Variants in LRP2 observed in about 807,000 individuals in gnomAD.
LRP2 encodes the protein LDL receptor related protein 2, also known as low-density lipoprotein receptor-related protein 2.
A neutral mutation model predicts 531.0 loss-of-function variants in LRP2; 172 were observed. The observed-to-expected ratio is 0.32, with a 90% CI of 0.29 to 0.37. The LOEUF (loss-of-function observed/expected upper bound fraction) is 0.37, where lower values mean the gene tolerates loss of function less well. Ranked by LOEUF, LRP2 falls within the 10% of genes least tolerant of loss-of-function variation. The pLI, the probability that LRP2 is intolerant of heterozygous loss-of-function variation, is 1.00. For missense variants in LRP2, 5,167 were observed against 5,868.3 expected (o/e 0.88, Z 3.90); for synonymous variants, 1,992 against 2,027.6 (o/e 0.98, Z 0.47).
chr2:169,159,846 G>T (rs1686507888), intron 63 of LRP2, among the ~76,000 whole-genome samples: 1 of 151,994 alleles, frequency 6.6e-6, no homozygotes, highest in Admixed American at 6.6e-5. Context: ...ATCTATAAAG[G>T]GATTAGGGGT....
At chr2:169,230,599 C>G (rs1370075022) in intron 31 of LRP2, among the ~76,000 whole-genome samples, 1 of 152,142 alleles carries the variant, frequency 6.6e-6, no homozygotes, top group Non-Finnish European at 1.5e-5. Context: ...CAATTTTCAT[C>G]AGTATCAAAA....
Position 169,168,662 on chromosome 2 carries a change from C to T in LRP2, c.11512G>A (p.Asp3838Asn). The T allele has an allele frequency of 6.2e-7, 1 of 1,614,054 alleles. No homozygotes were observed. Among genetic ancestry groups the T allele is most frequent in the East Asian group, 2.2e-5 (1 of 44,872 alleles). Residue 3838 changes from aspartate (D) to asparagine (N), a missense_variant, in exon 61 of 79, where the codon GAT becomes AAT. This residue lies in a region of LRP2 where 564 missense variants were observed against 747.7 expected (regional missense o/e 0.75). Coordinates refer to ENST00000649046, the MANE Select transcript of LRP2 (RefSeq NM_004525.3). Reference protein sequence around the residue: ...DEADCPTRFPDGAYCQATMFE... With the variant: ...DEADCPTRFPNGAYCQATMFE... ...ATAGTAGCCTGGCAGTATGCACCAT[C>T]AGGAAAGCGTGTGGCTGCCATGGGG...
At chr2:169,216,813 C>T (rs1366421668) in intron 34 of LRP2, among the ~76,000 whole-genome samples, 1 of 152,134 alleles carries the variant, frequency 6.6e-6, no homozygotes, top group Non-Finnish European at 1.5e-5. Context: ...CTGCCAAGTA[C>T]ACTCCCTGAT....
chr2:169,174,307 T>C, intron 55 of LRP2, 143 bp from the exon 56 acceptor site: 1 of 930,632 alleles, frequency 1.1e-6, no homozygotes, highest in Non-Finnish European at 1.6e-6. Flanking sequence ...TCAGTACTAC[T>C]ACATGGAGCA....
At chr2:169,236,122 T>C (rs1265297951) in intron 28 of LRP2, 54 bp from the exon 29 acceptor site, 1 of 1,257,390 alleles carries the variant, frequency 8.0e-7, no homozygotes, top group Non-Finnish European at 1.1e-6. Context: ...ATATTAAAAA[T>C]AACTGTCATT....
rs1250010867 is a variant in LRP2, at chr2:169,215,729, A to G, written c.5826+524T>C. ...TATAAATATATATTCTATATTCTAT[A>G]ATATATATTCTATATCTATATAGAT... is the stretch of plus-strand genomic sequence containing the variant. On this transcript the variant is annotated intron_variant, in intron 35 of 78. Transcript: ENST00000649046. 5.4e-5 allele frequency among the ~76,000 whole-genome samples: 8 copies of G among 148,078 alleles called. No homozygotes were observed. In the South Asian group the frequency reaches 1.7e-3, roughly 31 times the overall value.
Position 169,224,625 on chromosome 2 carries a change from A to G in LRP2, c.5538+685T>C, listed in dbSNP as rs560632312. 3.3e-5 allele frequency among the ~76,000 whole-genome samples: 5 copies of G among 152,350 alleles called. No homozygotes were observed. In the East Asian group the frequency reaches 9.6e-4, roughly 29 times the overall value. On this transcript the variant is annotated intron_variant, in intron 33 of 78. Coordinates refer to ENST00000649046, the MANE Select transcript of LRP2 (RefSeq NM_004525.3). ...AGCATTGAAGATTAGATGAGGAAACATAGTAAAATTCTCTGCTTACCATAA... is the reference window on the plus strand; with the variant it reads ...AGCATTGAAGATTAGATGAGGAAACGTAGTAAAATTCTCTGCTTACCATAA...
chr2:169,210,721 C>A (rs1181528951), intron 37 of LRP2, among the ~76,000 whole-genome samples: 3 of 152,016 alleles, frequency 2.0e-5, no homozygotes, highest in Admixed American at 2.0e-4. Context: ...TTGGATGGAA[C>A]AAAACAGCTA....
At chr2:169,184,322 T>C (rs1405690190) in intron 50 of LRP2, among the ~76,000 whole-genome samples, 1 of 152,178 alleles carries the variant, frequency 6.6e-6, no homozygotes, top group Non-Finnish European at 1.5e-5. Flanking sequence ...TTTCATTTAT[T>C]ATCCAGCAAG....
Position 169,176,558 on chromosome 2 carries a change from C to T in LRP2, c.10424G>A (p.Gly3475Asp), listed in dbSNP as rs1165406327. Reference sequence around the variant, plus strand: ...CTTGATGAGGCAGAGATGAGAACAGCCACCATTGTTGGTACCACAGGGATT... The same window carrying T: ...CTTGATGAGGCAGAGATGAGAACAGTCACCATTGTTGGTACCACAGGGATT... Reference protein sequence around the residue: ...VSNPCGTNNGGCSHLCLIKPG... With the variant: ...VSNPCGTNNGDCSHLCLIKPG... The change falls in exon 54 of 79, where the codon GGC (glycine) becomes GAC (aspartate). Residue 3475 changes from glycine (G) to aspartate (D), a missense_variant. Physicochemically the swap from Gly to Asp is moderately conservative, Grantham distance 94. This residue lies in a region of LRP2 where 1,129 missense variants were observed against 1,362.7 expected (regional missense o/e 0.83). Coordinates refer to ENST00000649046, the MANE Select transcript of LRP2 (RefSeq NM_004525.3). 4.3e-6 allele frequency: 7 copies of T among 1,613,978 alleles called. No individual in the cohort carries two copies. In the Admixed American group the frequency reaches 1.2e-4, roughly 27 times the overall value.
Position 169,197,042 on chromosome 2 carries a change from AAAG to A in LRP2, c.8579-15_8579-13del. 7 of 1,613,084 alleles carry A rather than the reference AAAG, an allele frequency of 4.3e-6. No individual in the cohort carries two copies. The highest frequency in any genetic ancestry group is 5.9e-6 in the Non-Finnish European group (7 of 1,179,862). On this transcript the variant is annotated splice_polypyrimidine_tract_variant and intron_variant, in intron 45 of 78. Transcript: ENST00000649046. Reference sequence around the variant, plus strand: ...GCACGTGTGAGTGGCTGCAGGAGGGAAAGAAGATAAAACCCATGAGCAAAACAC... The same window carrying A: ...GCACGTGTGAGTGGCTGCAGGAGGGAAAGATAAAACCCATGAGCAAAACAC...
In LRP2 at chr2:169,154,595, G is replaced by A; in HGVS notation, c.12160C>T (p.Pro4054Ser). ...ACATTGTCAGGCAGTAGCAACAAAG[G>A]AGAGCTACCTGTAAACAAACAAAGG... ...GKRCAAEGSS[P>S]LLLLPDNVRI... The change falls in exon 66 of 79, where the codon CCT becomes TCT. Residue 4054 changes from proline (P) to serine (S), a missense_variant. By Grantham distance (74) the Pro-to-Ser change is moderately conservative. Transcript: ENST00000649046. 1 of 1,613,456 alleles carries A rather than the reference G, an allele frequency of 6.2e-7. No homozygotes were observed. The highest frequency in any genetic ancestry group is 8.5e-7 in the Non-Finnish European group (1 of 1,179,544).
intron 38 of LRP2, among the ~76,000 whole-genome samples, chr2:169,207,507 A>T (rs1276957022): frequency 6.6e-6 from 1 of 152,220 alleles, no homozygotes; most frequent in Non-Finnish European, 1.5e-5. Context: ...TCATAGCAAC[A>T]TCATAACCCA....
intron 62 of LRP2, among the ~76,000 whole-genome samples, chr2:169,164,777 C>T (rs1309176777): frequency 1.3e-5 from 2 of 152,126 alleles, no homozygotes; most frequent in Admixed American, 6.6e-5. Context: ...AGACTAAAAC[C>T]CTGTTCCTTG....
Position 169,358,967 on chromosome 2 carries a change from G to A in LRP2, c.79+3354C>T, listed in dbSNP as rs1686072154. ...GGGTCTGAGAAGTCTTCAGAGAACT[G>A]TTAGTGAAAAATGCTTAAAGAAGAC... On this transcript the variant is annotated intron_variant, in intron 1 of 78. Coordinates refer to ENST00000649046, the MANE Select transcript of LRP2 (RefSeq NM_004525.3). Among the ~76,000 whole-genome samples the A allele has an allele frequency of 2.0e-5, 3 of 150,130 alleles. No homozygotes were observed. In the South Asian group the frequency reaches 6.3e-4, roughly 32 times the overall value.
chr2:169,352,388 C>G (rs1175920469), intron 1 of LRP2, among the ~76,000 whole-genome samples: 1 of 152,144 alleles, frequency 6.6e-6, no homozygotes, highest in African/African-American at 2.4e-5. Context: ...CTTGTTGTAG[C>G]TAGCTTGTAA....
At chr2:169,173,414 A>G (rs1687073973) in intron 56 of LRP2, among the ~76,000 whole-genome samples, 190 bp from the exon 57 acceptor site, 1 of 152,242 alleles carries the variant, frequency 6.6e-6, no homozygotes, top group Non-Finnish European at 1.5e-5. Flanking sequence ...AGTTTTCTCA[A>G]TATGTCAGCA....
chr2:169,209,424 A>G (rs907382512), intron 38 of LRP2, 29 bp downstream of exon 38: 1 of 1,605,028 alleles, frequency 6.2e-7, no homozygotes, highest in Non-Finnish European at 8.5e-7. Context: ...AGATGCAAAC[A>G]TATTAAAATC....
At position 169,129,093 on chromosome 2, in the gene LRP2, A is replaced by C; in HGVS notation, c.13729-9T>G. ...AGATTCCATTTTGTCACCTAAATGA[A>C]AAGGGGAAAACAAAAACCTCTCAGT... On this transcript the variant is annotated splice_polypyrimidine_tract_variant and intron_variant, in intron 77 of 78. Coordinates refer to ENST00000649046, the MANE Select transcript of LRP2 (RefSeq NM_004525.3). 6.3e-7 allele frequency: 1 copy of C among 1,580,712 alleles called. No homozygotes were observed. Among genetic ancestry groups the C allele is most frequent in the East Asian group, 2.2e-5 (1 of 44,686 alleles).
Sources: gnomAD v4.1 joint callset for allele counts (sites outside exome capture counted in the v4.1 genomes callset) on GRCh38, gnomAD v4.1.1 for gene constraint, gnomAD v4.1.1 regional missense constraint, MANE v1.5 for transcripts, NCBI Gene and HGNC (gene_info 2026-07-23, HGNC 2026-07-21) for gene names.